MITF: variants seen among roughly 807,000 people sequenced by gnomAD.
The protein encoded by MITF is melanocyte inducing transcription factor.
In MITF, 17 loss-of-function variants were observed where a neutral mutation model predicts 60.5. That is an observed-to-expected ratio of 0.28 (90% CI 0.19 to 0.42). The LOEUF is 0.42. Among genes scored for constraint, MITF ranks in the 10% least tolerant of loss-of-function variants. MITF has a pLI of 1.00. For missense variants in MITF, 622 were observed against 683.5 expected, an observed-to-expected ratio of 0.91 and a Z score of 1.00; for synonymous variants, 260 against 248.5, an observed-to-expected ratio of 1.05 and a Z score of -0.43.
chr3:69,885,492 T>A (rs1158312155), intron 2 of MITF, among the ~76,000 whole-genome samples: 1 of 152,094 alleles, frequency 6.6e-6, no homozygotes, highest in South Asian at 2.1e-4. Context: ...TCTTTTTTAA[T>A]GTCATGAGAC....
At chr3:69,923,024 C>T (rs938454677) in intron 2 of MITF, among the ~76,000 whole-genome samples, 11 of 152,166 alleles carry the variant, frequency 7.2e-5, no homozygotes, top group African/African-American at 2.7e-4. Flanking sequence ...CAACAGTGTC[C>T]ACCCAGCGGG....
At chr3:69,774,276 C>G (rs1190286902) in intron 1 of MITF, among the ~76,000 whole-genome samples, 2 of 152,160 alleles carry the variant, frequency 1.3e-5, no homozygotes, top group African/African-American at 4.8e-5. Flanking sequence ...GTTTGGCACA[C>G]CAAGGTCTGG....
chr3:69,791,481 C>A (rs1413065726), intron 1 of MITF, among the ~76,000 whole-genome samples: 1 of 152,242 alleles, frequency 6.6e-6, no homozygotes, highest in East Asian at 1.9e-4. Context: ...CAAAAACAAC[C>A]ATGTTTTGCA....
rs928426040 is a variant in MITF, at chr3:69,843,969, C to A, written c.105-35165C>A. On this transcript the variant is annotated intron_variant, in intron 1 of 9. Transcript: ENST00000352241. ...CCATGTGTTCTCATTGTTCAACTCC[C>A]ACTTACGAGTGATAACATGTGGTGT... is the stretch of plus-strand genomic sequence containing the variant. Among the ~76,000 whole-genome samples, 3 of 152,162 alleles carry A rather than the reference C, an allele frequency of 2.0e-5. No homozygotes were observed. The East Asian group carries it at 5.8e-4, about 29-fold the overall frequency.
At position 69,882,572 on chromosome 3, in the gene MITF, A is replaced by C. The variant is rs2064514161; in HGVS notation, c.354+3189A>C. 2.0e-5 allele frequency among the ~76,000 whole-genome samples: 3 copies of C among 152,200 alleles called. No individual in the cohort carries two copies. The South Asian group carries it at 6.2e-4, about 32-fold the overall frequency. ...GTTGTGAATTAACAACAACAAAAAA[A>C]AAGTCATCAAGAACCATTAATGGAA... On this transcript the variant is annotated intron_variant, in intron 2 of 9. Transcript: ENST00000352241.
intron 9 of MITF, among the ~76,000 whole-genome samples, chr3:69,960,940 C>T (rs543237939): frequency 6.6e-6 from 1 of 152,184 alleles, no homozygotes; most frequent in Non-Finnish European, 1.5e-5. Flanking sequence ...ATTTTAGATT[C>T]TGGGTAGTGA....
intron 5 of MITF, among the ~76,000 whole-genome samples, chr3:69,942,075 G>A (rs926800687): frequency 6.6e-6 from 1 of 152,084 alleles, no homozygotes; most frequent in East Asian, 1.9e-4. Context: ...GTAGGTCTTT[G>A]AATGCCTTCT....
intron 8 of MITF, 133 bp from the exon 9 acceptor site, chr3:69,959,140 A>T: frequency 9.4e-7 from 1 of 1,067,610 alleles, no homozygotes; most frequent in Non-Finnish European, 1.3e-6. Context: ...ACCAAGCACC[A>T]CCTGTTCCCC....
intron 1 of MITF, among the ~76,000 whole-genome samples, chr3:69,794,435 A>G (rs2062794753): frequency 6.6e-6 from 1 of 152,122 alleles, no homozygotes; most frequent in Non-Finnish European, 1.5e-5. Context: ...TTCCAAATAG[A>G]TGACTGTAAA....
rs575207850 is a variant in MITF at position 69,803,621 on chromosome 3, T to A, written c.104+63920T>A. 3.3e-5 allele frequency among the ~76,000 whole-genome samples: 5 copies of A among 152,338 alleles called. No individual in the cohort carries two copies. The South Asian group carries it at 6.2e-4, about 19-fold the overall frequency. ...TTGAATTGAATAAAAGTAAATCTAA[T>A]TTTTTAAAATAAGTGTCTGTTATTG... On this transcript the variant is annotated intron_variant, in intron 1 of 9. Transcript: ENST00000352241.
At chr3:69,826,362 G>T (rs1326285622) in intron 1 of MITF, among the ~76,000 whole-genome samples, 3 of 152,156 alleles carry the variant, frequency 2.0e-5, no homozygotes, top group Non-Finnish European at 2.9e-5. Flanking sequence ...TTGGGAAATT[G>T]ATTCTTCCTC....
intron 1 of MITF, among the ~76,000 whole-genome samples, chr3:69,832,963 GCACTGTATGTGATTGTTTCTCTGTTCA>G (rs1423505364): frequency 7.3e-5 from 11 of 151,156 alleles, no homozygotes; most frequent in South Asian, 2.2e-4. Context: ...TTCTCTGTTT[GCACTGTATGTGATTGTTTCTCTGTTCA>G]CACTGTATGT....
intron 4 of MITF, 133 bp from the exon 5 acceptor site, chr3:69,941,103 A>G: frequency 1.6e-6 from 1 of 634,606 alleles, no homozygotes; most frequent in East Asian, 2.8e-5. Context: ...TAGTGGAAAG[A>G]GGACAGTTAC....
At chr3:69,859,086 C>T (rs1461987737) in intron 1 of MITF, among the ~76,000 whole-genome samples, 3 of 152,156 alleles carry the variant, frequency 2.0e-5, no homozygotes, top group Admixed American at 1.3e-4. Context: ...CAGAGTAAAA[C>T]TAGGATACGA....
At chr3:69,741,141 T>G (rs1156725021) in intron 1 of MITF, among the ~76,000 whole-genome samples, 1 of 152,144 alleles carries the variant, frequency 6.6e-6, no homozygotes, top group African/African-American at 2.4e-5. Context: ...TAGTTGGTGG[T>G]TTTTCCTCAT....
intron 1 of MITF, among the ~76,000 whole-genome samples, chr3:69,755,433 GTTTTTTTTTTTTTTTTTTTTTTTTTT>G (rs542141862): frequency 1.1e-4 from 4 of 35,396 alleles, no homozygotes; most frequent in Non-Finnish European, 1.8e-4. Flanking sequence ...ACCCTTCTGG[GTTTTTTTTTTTTTTTTTTTTTTTTTT>G]TTTTTTTTTT....
At chr3:69,909,300 TC>T (rs1045472117) in intron 2 of MITF, among the ~76,000 whole-genome samples, 3 of 152,170 alleles carry the variant, frequency 2.0e-5, no homozygotes, top group Admixed American at 6.6e-5. Context: ...TCTGAGGCCT[TC>T]CCAGCCATGT....
intron 3 of MITF, chr3:69,938,576 T>G: frequency 7.2e-7 from 1 of 1,390,640 alleles, no homozygotes. Flanking sequence ...AAGGTTTAAT[T>G]GCTGGATACA....
chr3:69,964,876 A>G lies in MITF; in HGVS notation c.1209A>G (p.Gly403=). ...QELEMQARAH[G]LSLIPSTGLC... is the part of the protein sequence containing the mutation. ...TTGAAATGCAGGCTCGAGCTCATGG[A>G]CTTTCCCTTATTCCATCCACGGGTC... is the stretch of plus-strand genomic sequence containing the variant. The change falls in exon 10 of 10, where the codon GGA becomes GGG. Residue 403 remains glycine, a synonymous_variant. Transcript: ENST00000352241. 6.2e-7 allele frequency: 1 copy of G among 1,614,020 alleles called. No individual in the cohort carries two copies. The highest frequency in any genetic ancestry group is 1.3e-5 in the African/African-American group (1 of 74,980).
Sources: allele counts gnomAD v4.1 joint callset (sites outside exome capture counted in the v4.1 genomes callset), GRCh38; gene constraint gnomAD v4.1.1; transcripts MANE v1.5; gene names NCBI Gene and HGNC (gene_info 2026-07-23, HGNC 2026-07-21).